SPEF2: variants seen among roughly 807,000 people sequenced by gnomAD.
The protein encoded by SPEF2 is sperm flagella and cilia-associated protein 2.
Under a neutral mutation model 224.6 loss-of-function variants are expected in SPEF2, and 187 were observed. The observed-to-expected ratio is 0.83, with a 90% confidence interval of 0.74 to 0.94. The LOEUF (loss-of-function observed/expected upper bound fraction) is 0.94. Among genes scored for constraint, SPEF2 ranks in the 40% least tolerant of loss-of-function variants. SPEF2 has a pLI of 0.00. For synonymous variants in SPEF2, 715 were observed against 707.3 expected, an observed-to-expected ratio of 1.01 and a Z score of -0.17; for missense variants, 2,170 against 2,135.6, an observed-to-expected ratio of 1.02 and a Z score of -0.32.
chr5:35,618,428 A>G (rs1296452303), intron 1 of SPEF2, among the ~76,000 whole-genome samples: 4 of 152,176 alleles, frequency 2.6e-5, no homozygotes, highest in Non-Finnish European at 4.4e-5. Context: ...TGGACTTTGT[A>G]GTCTGACCCC....
rs80067003 is a variant in SPEF2 at position 35,705,570 on chromosome 5, G to A, written c.2508-81G>A. The A allele has an allele frequency of 8.4e-4, 819 of 972,430 alleles. 8 individuals carry two copies. The African/African-American group carries it at 0.013, about 15-fold the overall frequency. 60.2% of individuals were successfully genotyped at this position (972,430 alleles called of 1,614,324 possible). On this transcript the variant is annotated intron_variant, in intron 17 of 36. Transcript: ENST00000356031. ...TATTGGCAGCCTGTCTTTTCATTACGCATGTCGGATAATTTATGCTTAATG... is the reference window on the plus strand; with the variant it reads ...TATTGGCAGCCTGTCTTTTCATTACACATGTCGGATAATTTATGCTTAATG...
intron 6 of SPEF2, 102 bp downstream of exon 6, chr5:35,649,527 C>A: frequency 2.4e-6 from 2 of 820,884 alleles, no homozygotes; most frequent in Non-Finnish European, 3.7e-6. Context: ...ATTCCAGGAT[C>A]TTTTCACTCC....
At chr5:35,725,300 A>G (rs1435585362) in intron 20 of SPEF2, among the ~76,000 whole-genome samples, 2 of 152,196 alleles carry the variant, frequency 1.3e-5, no homozygotes, top group Non-Finnish European at 2.9e-5. Flanking sequence ...TTGACCCCCA[A>G]GGCAATAAGA....
At chr5:35,770,508 TCCCACATACTCACCCACC>T (rs1752682596) in intron 26 of SPEF2, among the ~76,000 whole-genome samples, 1 of 152,144 alleles carries the variant, frequency 6.6e-6, no homozygotes, top group South Asian at 2.1e-4. Context: ...CCTTTCCCTG[TCCCACATACTCACCCACC>T]CCAGCCCCTG....
chr5:35,659,344 A>C, intron 8 of SPEF2, 137 bp downstream of exon 8: 1 of 795,858 alleles, frequency 1.3e-6, no homozygotes, highest in South Asian at 1.9e-5. Context: ...TTATCTGCCC[A>C]TTTTTATTTT....
Position 35,753,633 on chromosome 5 carries a change from G to A in SPEF2, c.3340G>A (p.Asp1114Asn), listed in dbSNP as rs769876489. 1.2e-6 allele frequency: 2 copies of A among 1,614,122 alleles called. No individual in the cohort carries two copies. Among genetic ancestry groups the A allele is most frequent in the South Asian group, 1.1e-5 (1 of 91,078 alleles). ...ELHQRVNDLR[D>N]RLWDICDARK... ...TGTTTTTTCTGTTCAGGATCTGCGA[G>A]ACCGCCTGTGGGACATTTGTGATGC... is the stretch of plus-strand genomic sequence containing the variant. Residue 1114 changes from aspartate (D) to asparagine (N), a missense_variant, in exon 24 of 37, where the codon GAC becomes AAC. Physicochemically the swap from Asp to Asn is conservative, Grantham distance 23. Coordinates refer to ENST00000356031, the MANE Select transcript of SPEF2 (RefSeq NM_024867.4).
At chr5:35,714,198 C>T (rs1742019344) in intron 20 of SPEF2, among the ~76,000 whole-genome samples, 1 of 150,480 alleles carries the variant, frequency 6.6e-6, no homozygotes, top group Non-Finnish European at 1.5e-5. Flanking sequence ...GTATCTCATG[C>T]AAGGGATTTT....
intron 26 of SPEF2, chr5:35,764,827 C>A (rs1751873133): frequency 2.4e-6 from 1 of 415,528 alleles, no homozygotes; most frequent in African/African-American, 2.1e-5. Flanking sequence ...CTTTTGTTCT[C>A]CCCGCTTATT....
chr5:35,734,709 CTTTTTTTTT>C (rs869188623), intron 21 of SPEF2, among the ~76,000 whole-genome samples: 2 of 31,198 alleles, frequency 6.4e-5, no homozygotes, highest in African/African-American at 2.2e-4. Flanking sequence ...TCTTTTTTTT[CTTTTTTTTT>C]TTTTTTTTTT....
chr5:35,664,473 G>A (rs1007827736), intron 8 of SPEF2, among the ~76,000 whole-genome samples: 1 of 151,954 alleles, frequency 6.6e-6, no homozygotes, highest in Non-Finnish European at 1.5e-5. Flanking sequence ...GGTGGATCAC[G>A]AGGACAAGAG....
At chr5:35,715,441 A>C (rs1306289317) in intron 20 of SPEF2, among the ~76,000 whole-genome samples, 2 of 152,052 alleles carry the variant, frequency 1.3e-5, no homozygotes, top group Non-Finnish European at 2.9e-5. Context: ...TATTATACCA[A>C]TAATAACCTG....
intron 28 of SPEF2, among the ~76,000 whole-genome samples, chr5:35,775,331 G>A (rs1055125332): frequency 5.9e-5 from 9 of 152,092 alleles, no homozygotes; most frequent in South Asian, 2.1e-4. Flanking sequence ...ACTTACCAAC[G>A]GAACTAATTC....
At chr5:35,733,062 C>T (rs181824045) in intron 21 of SPEF2, among the ~76,000 whole-genome samples, 2 of 152,198 alleles carry the variant, frequency 1.3e-5, no homozygotes, top group Admixed American at 1.3e-4. Flanking sequence ...CCCCCCCTGA[C>T]AAATGGAATT....
intron 11 of SPEF2, among the ~76,000 whole-genome samples, chr5:35,691,672 T>C (rs1754502752): frequency 6.6e-6 from 1 of 152,214 alleles, no homozygotes; most frequent in Non-Finnish European, 1.5e-5. Context: ...AGGAACAAAA[T>C]AATGGTGATG....
At chr5:35,786,592 G>A (rs1256886255) in intron 30 of SPEF2, among the ~76,000 whole-genome samples, 4 of 152,098 alleles carry the variant, frequency 2.6e-5, no homozygotes, top group Non-Finnish European at 5.9e-5. Context: ...CCCAGGAGGC[G>A]GAAGTTGTAG....
intron 23 of SPEF2, among the ~76,000 whole-genome samples, chr5:35,752,148 C>T (rs952848668): frequency 1.3e-5 from 2 of 151,940 alleles, no homozygotes; most frequent in African/African-American, 4.8e-5. Flanking sequence ...GAGTAATGCT[C>T]ACTTGCCCAC....
At chr5:35,658,818 CATA>C (rs1431016838) in intron 7 of SPEF2, among the ~76,000 whole-genome samples, 198 bp from the exon 8 acceptor site, 1 of 152,072 alleles carries the variant, frequency 6.6e-6, no homozygotes, top group Non-Finnish European at 1.5e-5. Flanking sequence ...GTTGCAAAGC[CATA>C]ATGTTTCTAA....
In SPEF2 at chr5:35,686,258, G is replaced by A. The variant is rs148836103; in HGVS notation, c.1525-4779G>A. ...CTGCACCGCTGAAACAATATTTTGGGGTTTTTGAAGTTTGAATAGTTTAAT... is the reference window on the plus strand; with the variant it reads ...CTGCACCGCTGAAACAATATTTTGGAGTTTTTGAAGTTTGAATAGTTTAAT... On this transcript the variant is annotated intron_variant, in intron 10 of 36. Transcript: ENST00000356031. Among the ~76,000 whole-genome samples the A allele has an allele frequency of 5.9e-5, 9 of 152,012 alleles. 1 individual carries two copies. The East Asian group carries it at 1.7e-3, about 29-fold the overall frequency.
At chr5:35,801,820 A>C (rs1489001897) in intron 34 of SPEF2, among the ~76,000 whole-genome samples, 3 of 152,148 alleles carry the variant, frequency 2.0e-5, no homozygotes, top group Non-Finnish European at 4.4e-5. Context: ...TCTAGACTCT[A>C]AGCACCCTGT....
Sources: allele counts gnomAD v4.1 joint callset (sites outside exome capture counted in the v4.1 genomes callset), GRCh38; gene constraint gnomAD v4.1.1; transcripts MANE v1.5; gene names NCBI Gene and HGNC (gene_info 2026-07-23, HGNC 2026-07-21).